Variants in HPCAL1 observed in about 807,000 individuals in gnomAD.
The protein encoded by HPCAL1 is hippocalcin-like protein 1.
A neutral mutation model predicts 17.1 loss-of-function variants in HPCAL1; 8 were observed. The observed-to-expected ratio is 0.47, with a 90% CI of 0.27 to 0.84. HPCAL1 has a LOEUF of 0.84. Ranked by LOEUF, HPCAL1 falls within the 40% of genes least tolerant of loss-of-function variation. The probability of loss-of-function intolerance (pLI) is 0.13; values close to 1 mark genes in which losing one functional copy is unlikely to be tolerated. For missense variants in HPCAL1, 165 were observed against 271.1 expected (o/e 0.61, Z 2.75); for synonymous variants, 112 against 111.4 (o/e 1.01, Z -0.03).
chr2:10,385,890 C>A (rs1668277959), intron 1 of HPCAL1, among the ~76,000 whole-genome samples: 1 of 148,638 alleles, frequency 6.7e-6, no homozygotes, highest in East Asian at 2.6e-4. Context: ...ATTTGTCGGC[C>A]TCGTGTCGGG....
chr2:10,419,489 G>T lies in HPCAL1; in HGVS notation c.-24-245G>T, dbSNP rs535455183. ...GATTTTAAGTTGCATTTTCCCCCCCGCATTTCCACATTCTCCAAGTGAGAA... is the reference window on the plus strand; with the variant it reads ...GATTTTAAGTTGCATTTTCCCCCCCTCATTTCCACATTCTCCAAGTGAGAA... On this transcript the variant is annotated intron_variant, in intron 2 of 4. Transcript: ENST00000307845. The surrounding 1 kb of genome is among the most constrained non-coding windows in gnomAD (Gnocchi z 5.0). Among the ~76,000 whole-genome samples, 28 of 151,784 alleles carry T rather than the reference G, an allele frequency of 1.8e-4. No individual in the cohort carries two copies. Among genetic ancestry groups the T allele is most frequent in the Non-Finnish European group, 3.7e-4 (25 of 67,994 alleles).
At chr2:10,312,768 CCAT>C (rs1274628822) in intron 1 of HPCAL1, among the ~76,000 whole-genome samples, 1 of 151,988 alleles carries the variant, frequency 6.6e-6, no homozygotes, top group Admixed American at 6.6e-5. Flanking sequence ...GTCATCATCA[CCAT>C]CATCGTCATT....
chr2:10,313,801 AAG>A (rs1356059796), intron 1 of HPCAL1, among the ~76,000 whole-genome samples: 1 of 152,230 alleles, frequency 6.6e-6, no homozygotes, highest in African/African-American at 2.4e-5. Flanking sequence ...ACATAGAGCA[AAG>A]AGAGAATTTT....
chr2:10,358,201 G>C (rs1031608603), intron 1 of HPCAL1, among the ~76,000 whole-genome samples: 2 of 152,240 alleles, frequency 1.3e-5, no homozygotes, highest in East Asian at 1.9e-4. Flanking sequence ...GGTAACATCA[G>C]GTTGTCAGGC....
In HPCAL1 at chr2:10,426,897, C is replaced by A; in HGVS notation, c.*76C>A. The A allele has an allele frequency of 7.3e-7, 1 of 1,362,054 alleles. No homozygotes were observed. The highest frequency in any genetic ancestry group is 1.0e-6 in the Non-Finnish European group (1 of 956,842). The allele number at this position is 1,362,054 out of a possible 1,614,324, so 84.4% of individuals were successfully genotyped here. ...TAAGCTTTGCTTGCAAGAGTGGATG[C>A]CCCGCAATCGTTCCTGCTCTCCCGG... On this transcript the variant is annotated 3_prime_UTR_variant, in exon 5 of 5. Transcript: ENST00000307845.
chr2:10,328,827 C>G (rs1307400435), intron 1 of HPCAL1, among the ~76,000 whole-genome samples: 1 of 152,030 alleles, frequency 6.6e-6, no homozygotes, highest in Non-Finnish European at 1.5e-5. Flanking sequence ...CTTTCTCTGC[C>G]CCTTTTGTTC....
intron 1 of HPCAL1, among the ~76,000 whole-genome samples, chr2:10,329,997 C>T (rs891354991): frequency 6.6e-5 from 10 of 152,158 alleles, no homozygotes; most frequent in East Asian, 1.9e-4. Context: ...TCGGGCCACA[C>T]GGAAGGAGTT....
At chr2:10,396,206 T>C (rs1048666592) in intron 1 of HPCAL1, among the ~76,000 whole-genome samples, 1 of 152,252 alleles carries the variant, frequency 6.6e-6, no homozygotes, top group Non-Finnish European at 1.5e-5. Flanking sequence ...GACCTCTTCC[T>C]GAGCACCTAG....
intron 2 of HPCAL1, among the ~76,000 whole-genome samples, chr2:10,415,197 C>T (rs1670585478): frequency 6.6e-6 from 1 of 152,188 alleles, no homozygotes; most frequent in African/African-American, 2.4e-5. Flanking sequence ...ACTTCTGCCC[C>T]AGGCCGCATG....
chr2:10,331,763 C>T lies in HPCAL1; in HGVS notation c.-111+28586C>T, dbSNP rs1197266699. Among the ~76,000 whole-genome samples the T allele has an allele frequency of 1.3e-5, 2 of 152,120 alleles. No homozygotes were observed. The highest frequency in any genetic ancestry group is 2.9e-5 in the Non-Finnish European group (2 of 68,024). The stretch of plus-strand genomic sequence containing the variant: ...TTTTGTGGATGGGGACATAAACAAG[C>T]CGCCATCAACTGCTTGGTGACATTG... On this transcript the variant is annotated intron_variant, in intron 1 of 4. Transcript: ENST00000307845. This position sits in a 1 kb window ranked among gnomAD's most constrained non-coding sequence, Gnocchi z 5.0.
chr2:10,311,637 C>T (rs1404397945), intron 1 of HPCAL1, among the ~76,000 whole-genome samples: 1 of 152,066 alleles, frequency 6.6e-6, no homozygotes, highest in African/African-American at 2.4e-5. Context: ...ATGTAGAGCA[C>T]AGGTAAGGAA....
intron 1 of HPCAL1, among the ~76,000 whole-genome samples, chr2:10,311,533 C>T (rs968998207): frequency 7.2e-5 from 11 of 152,142 alleles, no homozygotes; most frequent in Non-Finnish European, 1.6e-4. Flanking sequence ...AAAAACAATA[C>T]GGCCTGGCTG....
intron 1 of HPCAL1, among the ~76,000 whole-genome samples, chr2:10,373,737 A>C (rs1262145147): frequency 6.6e-6 from 1 of 151,914 alleles, no homozygotes; most frequent in Non-Finnish European, 1.5e-5. Context: ...GGCCCCCCAC[A>C]GCAGCCCAGC....
At position 10,344,098 on chromosome 2, in the gene HPCAL1, C is replaced by G. The variant is rs1281219426; in HGVS notation, c.-111+40921C>G. Among the ~76,000 whole-genome samples, 2 of 152,166 alleles carry G rather than the reference C, an allele frequency of 1.3e-5. No homozygotes were observed. The highest frequency in any genetic ancestry group is 4.8e-5 in the African/African-American group (2 of 41,430). ...CCCTTATTAAAAACTAAACAAAACA[C>G]AACACGAAAAAGCCAGAACAAAACA... On this transcript the variant is annotated intron_variant, in intron 1 of 4. Coordinates refer to ENST00000307845, the MANE Select transcript of HPCAL1 (RefSeq NM_002149.4). This position sits in a 1 kb window ranked among gnomAD's most constrained non-coding sequence, Gnocchi z 4.9.
Position 10,362,445 on chromosome 2 carries a change from A to G in HPCAL1, c.-110-34390A>G, listed in dbSNP as rs971601429. Among the ~76,000 whole-genome samples the G allele has an allele frequency of 2.6e-5, 4 of 152,120 alleles. No homozygotes were observed. The highest frequency in any genetic ancestry group is 9.7e-5 in the African/African-American group (4 of 41,418). On this transcript the variant is annotated intron_variant, in intron 1 of 4. Coordinates refer to ENST00000307845, the MANE Select transcript of HPCAL1 (RefSeq NM_002149.4). This position sits in a 1 kb window ranked among gnomAD's most constrained non-coding sequence, Gnocchi z 5.0. ...GCTCCTCCATGTCCTACTCCTGTGG[A>G]TAGACCCCCCGGAATGCAGGGGGCC... is the stretch of plus-strand genomic sequence containing the variant.
chr2:10,337,646 C>T (rs1664798348), intron 1 of HPCAL1, among the ~76,000 whole-genome samples: 1 of 152,212 alleles, frequency 6.6e-6, no homozygotes, highest in Admixed American at 6.5e-5. Flanking sequence ...CTGGGCTGCA[C>T]AGCTGGGGAT....
intron 1 of HPCAL1, among the ~76,000 whole-genome samples, chr2:10,361,038 G>A (rs1558486135): frequency 2.0e-5 from 3 of 147,612 alleles, no homozygotes; most frequent in East Asian, 2.0e-4. Flanking sequence ...TGACATAGTC[G>A]GACATGGTCC....
intron 2 of HPCAL1, among the ~76,000 whole-genome samples, chr2:10,417,037 C>T (rs2148020196): frequency 2.0e-5 from 3 of 152,232 alleles, no homozygotes; most frequent in African/African-American, 7.2e-5. Flanking sequence ...CTTAACTGGC[C>T]AGGAGGAGAG....
chr2:10,387,592 T>C (rs1000835858), intron 1 of HPCAL1, among the ~76,000 whole-genome samples: 3 of 152,224 alleles, frequency 2.0e-5, no homozygotes, highest in African/African-American at 7.2e-5. Flanking sequence ...GTCTTGCTCT[T>C]CCGGTATCAT....
Sources: allele counts gnomAD v4.1 joint callset (sites outside exome capture counted in the v4.1 genomes callset), GRCh38; gene constraint gnomAD v4.1.1; non-coding constraint Gnocchi (gnomAD v3.1); transcripts MANE v1.5; gene names NCBI Gene and HGNC (gene_info 2026-07-23, HGNC 2026-07-21).